The following CATSPERG variants were observed in gnomAD, a reference collection of about 807,000 sequenced individuals.
CATSPERG encodes catsper channel auxiliary subunit gamma.
CATSPERG carries 115 observed loss-of-function variants against 145.0 expected under a neutral mutation model. The observed-to-expected ratio is 0.79, with a 90% CI of 0.68 to 0.93. The LOEUF (loss-of-function observed/expected upper bound fraction) is 0.93. CATSPERG is among the 40% of genes least tolerant of loss of function. CATSPERG has a pLI of 0.00. For missense variants in CATSPERG, 1,296 were observed against 1,490.1 expected (o/e 0.87, Z 2.14); for synonymous variants, 588 against 589.0 (o/e 1.00, Z 0.02).
At position 38,343,741 on chromosome 19, in the gene CATSPERG, C is replaced by T. The variant is rs576715809; in HGVS notation, c.469+17C>T. On this transcript the variant is annotated intron_variant, in intron 4 of 28. Transcript: ENST00000409235. Reference sequence around the variant, plus strand: ...GCAGCAAAGGTGGGCCTGGGGGAGGCGGGAGGGATCGCAACCTGGCAGGGG... The same window carrying T: ...GCAGCAAAGGTGGGCCTGGGGGAGGTGGGAGGGATCGCAACCTGGCAGGGG... 54 of 1,204,422 alleles carry T rather than the reference C, an allele frequency of 4.5e-5. No homozygotes were observed. Among genetic ancestry groups the T allele is most frequent in the South Asian group, 2.4e-4 (19 of 77,854 alleles). The allele number at this position is 1,204,422 out of a possible 1,614,324, so 74.6% of individuals were successfully genotyped here. A position where few individuals can be genotyped will look rare whatever the true frequency, so the allele number is the denominator to read the frequency against.
intron 20 of CATSPERG, among the ~76,000 whole-genome samples, chr19:38,363,625 T>G (rs1049369213): frequency 2.0e-5 from 3 of 151,840 alleles, no homozygotes; most frequent in Non-Finnish European, 4.4e-5. Flanking sequence ...TCCGCAGTGT[T>G]TGTGTCCCTG....
At chr19:38,343,529 G>A in intron 3 of CATSPERG, 51 bp from the exon 4 acceptor site, 8 of 1,484,074 alleles carry the variant, frequency 5.4e-6, no homozygotes, top group South Asian at 1.3e-5. Flanking sequence ...AAGGCAGGGG[G>A]CACCCAGAGG....
At position 38,370,635 on chromosome 19, in the gene CATSPERG, T is replaced by A; in HGVS notation, c.3323T>A (p.Leu1108His). ...ATGATCCGGTGGAAGATAAACAACCTCATTGCCTCAGAATCCTACTACACC... is the reference window on the plus strand; with the variant it reads ...ATGATCCGGTGGAAGATAAACAACCACATTGCCTCAGAATCCTACTACACC... ...CTMIRWKINN[L>H]IASESYYTYA... is the part of the protein sequence containing the mutation. The change falls in exon 29 of 29, where the codon CTC becomes CAC. Residue 1108 changes from leucine to histidine, a missense_variant. By Grantham distance (99) the Leu-to-His change is moderately conservative. Coordinates refer to ENST00000409235, the MANE Select transcript of CATSPERG (RefSeq NM_021185.5). The A allele has an allele frequency of 6.2e-7, 1 of 1,614,114 alleles. No individual in the cohort carries two copies. The highest frequency in any genetic ancestry group is 8.5e-7 in the Non-Finnish European group (1 of 1,180,026).
intron 11 of CATSPERG, among the ~76,000 whole-genome samples, chr19:38,357,139 A>AG: frequency 6.6e-6 from 1 of 152,258 alleles, no homozygotes; most frequent in African/African-American, 2.4e-5. Flanking sequence ...CCCCCAACCG[A>AG]GGGGTCAGAG....
At chr19:38,351,049 T>C (rs572530064) in intron 7 of CATSPERG, among the ~76,000 whole-genome samples, 1 of 152,230 alleles carries the variant, frequency 6.6e-6, no homozygotes, top group Non-Finnish European at 1.5e-5. Flanking sequence ...AGAGGCTGCA[T>C]CTTCTCAAGC....
In CATSPERG at chr19:38,337,232, G is replaced by T; in HGVS notation, c.-3G>T. ...CCTGCGTTCTCCAGGTTCTAGCCAC[G>T]TTATGTGCGGCCCAGCCATGTTCCC... On this transcript the variant is annotated 5_prime_UTR_variant, in exon 2 of 29. Transcript: ENST00000409235. 2.6e-6 allele frequency: 4 copies of T among 1,550,878 alleles called. No individual in the cohort carries two copies. The highest frequency in any genetic ancestry group is 2.6e-6 in the Non-Finnish European group (3 of 1,146,812).
At position 38,362,490 on chromosome 19, in the gene CATSPERG, AT is replaced by A. The variant is rs753582356; in HGVS notation, c.2276del (p.Phe759SerfsTer53). The A allele has an allele frequency of 5.0e-5, 80 of 1,613,784 alleles. No homozygotes were observed. The highest frequency in any genetic ancestry group is 6.6e-5 in the Non-Finnish European group (78 of 1,180,034). On this transcript the variant is annotated frameshift_variant, in exon 19 of 29. Transcript: ENST00000409235. LOFTEE classifies it high-confidence loss of function. ...LESAYELPER[I>X]FLDKGTEYSF... ...GTCCGCGTACGAGCTGCCGGAGCGC[AT>A]TTTCCTGGACAAGGGCACTGAGTAC...
chr19:38,369,879 T>A lies in CATSPERG; in HGVS notation c.3021-93T>A, dbSNP rs960177517. 1.3e-5 allele frequency: 15 copies of A among 1,127,132 alleles called. No individual in the cohort carries two copies. The African/African-American group carries it at 2.3e-4, about 17-fold the overall frequency. The allele number at this position is 1,127,132 out of a possible 1,614,324, so 69.8% of individuals were successfully genotyped here. On this transcript the variant is annotated intron_variant, in intron 26 of 28. Coordinates refer to ENST00000409235, the MANE Select transcript of CATSPERG (RefSeq NM_021185.5). The stretch of plus-strand genomic sequence containing the variant: ...AAGGCATGAGATTGCACCCATTTGG[T>A]CCTCACCGAAAACATTGGGTGGAGG...
chr19:38,361,137 G>C (rs1020580215), intron 16 of CATSPERG, among the ~76,000 whole-genome samples: 1 of 152,156 alleles, frequency 6.6e-6, no homozygotes, highest in Non-Finnish European at 1.5e-5. Flanking sequence ...GGAACCACCT[G>C]TGCAGAGGCC....
intron 1 of CATSPERG, 25 bp from the exon 2 acceptor site, chr19:38,337,196 G>A (rs1439239759): frequency 4.5e-6 from 7 of 1,543,836 alleles, no homozygotes; most frequent in Non-Finnish European, 6.1e-6. Context: ...TCCGGCGCGT[G>A]GGTGTTGACT....
Position 38,348,548 on chromosome 19 carries a change from A to G in CATSPERG, c.825+1943A>G, listed in dbSNP as rs188139631. 3.0e-3 allele frequency among the ~76,000 whole-genome samples: 440 copies of G among 144,400 alleles called. 1 individual carries two copies. Among genetic ancestry groups the G allele is most frequent in the African/African-American group, 0.011 (422 of 38,664 alleles). 94.7% of individuals were successfully genotyped at this position (144,400 alleles called of 152,430 possible). ...GAGTGCAATGGTGTGATCTCAGCTC[A>G]CTGCAACCTCCACCCCCCGGGTTCA... On this transcript the variant is annotated intron_variant, in intron 7 of 28. Coordinates refer to ENST00000409235, the MANE Select transcript of CATSPERG (RefSeq NM_021185.5).
intron 14 of CATSPERG, 167 bp downstream of exon 14, chr19:38,359,748 G>T (rs1446722954): frequency 7.3e-7 from 1 of 1,368,968 alleles, no homozygotes; most frequent in Non-Finnish European, 9.5e-7. Context: ...GGAACTCAGG[G>T]TAAGTGTCAG....
intron 16 of CATSPERG, among the ~76,000 whole-genome samples, chr19:38,361,080 G>A (rs892436314): frequency 6.6e-6 from 1 of 152,164 alleles, no homozygotes; most frequent in Admixed American, 6.5e-5. Flanking sequence ...GAAGGGTGAG[G>A]AAGGATTAGC....
At chr19:38,338,735 G>T (rs1269844825) in intron 3 of CATSPERG, among the ~76,000 whole-genome samples, 2 of 152,142 alleles carry the variant, frequency 1.3e-5, no homozygotes, top group Admixed American at 1.3e-4. Context: ...GGTGAATTTG[G>T]CTGGGCATGG....
rs539847951 is a variant in CATSPERG at position 38,340,960 on chromosome 19, C to T, written c.325-2620C>T. 3.9e-5 allele frequency among the ~76,000 whole-genome samples: 6 copies of T among 152,136 alleles called. No homozygotes were observed. In the South Asian group the frequency reaches 1.2e-3, roughly 32 times the overall value. On this transcript the variant is annotated intron_variant, in intron 3 of 28. Transcript: ENST00000409235. ...CACTCTGGAAAGGCTTGAGCAGAGA[C>T]TCAAATGATAAAAAGTGGGGATTAT... is the stretch of plus-strand genomic sequence containing the variant.
chr19:38,344,882 C>CACACACACACACACACACATATAT (rs1379988844), intron 6 of CATSPERG, among the ~76,000 whole-genome samples: 1 of 53,320 alleles, frequency 1.9e-5, no homozygotes, highest in African/African-American at 5.2e-5. Context: ...CACACACACA[C>CACACACACACACACACACATATAT]ATATATATAT....
At chr19:38,336,464 C>T in intron 1 of CATSPERG, 1 of 311,408 alleles carries the variant, frequency 3.2e-6, no homozygotes, top group Admixed American at 4.3e-5. Context: ...GGAGCGGAAG[C>T]AGAGTGAGGA....
At chr19:38,356,401 T>C in intron 9 of CATSPERG, 83 bp from the exon 10 acceptor site, 6 of 1,245,110 alleles carry the variant, frequency 4.8e-6, no homozygotes, top group Non-Finnish European at 5.9e-6. Flanking sequence ...CTGGTGGGCA[T>C]AAGGAGGGCA....
chr19:38,353,284 A>C (rs981074194), intron 8 of CATSPERG, among the ~76,000 whole-genome samples: 9 of 149,130 alleles, frequency 6.0e-5, no homozygotes, highest in African/African-American at 2.2e-4. Context: ...CAGTGAGCTG[A>C]GTTCACGTCA....
Sources: gnomAD v4.1 joint callset for allele counts (sites outside exome capture counted in the v4.1 genomes callset) on GRCh38, gnomAD v4.1.1 for gene constraint, MANE v1.5 for transcripts, NCBI Gene and HGNC (gene_info 2026-07-23, HGNC 2026-07-21) for gene names.